ADAMTS2: variants seen among roughly 807,000 people sequenced by gnomAD.
The protein encoded by ADAMTS2 is A disintegrin and metalloproteinase with thrombospondin motifs 2.
ADAMTS2 carries 50 observed loss-of-function variants against 123.0 expected under a neutral mutation model. That is an observed-to-expected ratio of 0.41 (90% CI 0.32 to 0.51). ADAMTS2 has a LOEUF of 0.51. ADAMTS2 is among the 20% of genes least tolerant of loss of function. The probability of loss-of-function intolerance (pLI) is 0.35; values close to 1 mark genes in which losing one functional copy is unlikely to be tolerated. For synonymous variants in ADAMTS2, 678 were observed against 695.4 expected (o/e 0.98, Z 0.39); for missense variants, 1,494 against 1,705.2 (o/e 0.88, Z 2.18).
At chr5:179,321,511 A>G (rs1045565096) in intron 2 of ADAMTS2, among the ~76,000 whole-genome samples, 2 of 151,844 alleles carry the variant, frequency 1.3e-5, no homozygotes, top group Non-Finnish European at 2.9e-5. Context: ...AACCTCTCTC[A>G]TCCTTTAGCA....
At chr5:179,244,413 C>T (rs188217904) in intron 3 of ADAMTS2, among the ~76,000 whole-genome samples, 248 of 152,294 alleles carry the variant, frequency 1.6e-3, no homozygotes, top group African/African-American at 5.6e-3. Context: ...TCCAGCAGAA[C>T]TATTTTTCAA....
Position 179,129,143 on chromosome 5 carries a change from A to G in ADAMTS2, c.2457+789T>C, listed in dbSNP as rs1246042016. Among the ~76,000 whole-genome samples the G allele has an allele frequency of 2.0e-5, 3 of 152,212 alleles. No homozygotes were observed. Among genetic ancestry groups the G allele is most frequent in the African/African-American group, 7.2e-5 (3 of 41,456 alleles). On this transcript the variant is annotated intron_variant, in intron 16 of 21. Transcript: ENST00000251582. The surrounding 1 kb of genome is among the most constrained non-coding windows in gnomAD (Gnocchi z 4.1). ...ACAGAAACCGTGAGTGCCGAGGACC[A>G]GCTGCTCACACACTGATGCAGGCAG...
At position 179,295,169 on chromosome 5, in the gene ADAMTS2, T is replaced by C. The variant is rs191590371; in HGVS notation, c.535-22105A>G. Among the ~76,000 whole-genome samples, 5 of 152,360 alleles carry C rather than the reference T, an allele frequency of 3.3e-5. No homozygotes were observed. In the East Asian group the frequency reaches 9.7e-4, roughly 29 times the overall value. Reference sequence around the variant, plus strand: ...TTCTGGATTAGAAAGGAAACCTGGCTTTGAAAAGACACAGAGAAGAACCAG... The same window carrying C: ...TTCTGGATTAGAAAGGAAACCTGGCCTTGAAAAGACACAGAGAAGAACCAG... On this transcript the variant is annotated intron_variant, in intron 2 of 21. Coordinates refer to ENST00000251582, the MANE Select transcript of ADAMTS2 (RefSeq NM_014244.5).
At position 179,197,188 on chromosome 5, in the gene ADAMTS2, G is replaced by A. The variant is rs896969786; in HGVS notation, c.891+10325C>T. Among the ~76,000 whole-genome samples, 33 of 152,222 alleles carry A rather than the reference G, an allele frequency of 2.2e-4. No individual in the cohort carries two copies. Among genetic ancestry groups the A allele is most frequent in the African/African-American group, 7.2e-4 (30 of 41,454 alleles). On this transcript the variant is annotated intron_variant, in intron 4 of 21. Coordinates refer to ENST00000251582, the MANE Select transcript of ADAMTS2 (RefSeq NM_014244.5). The surrounding 1 kb of genome is among the most constrained non-coding windows in gnomAD (Gnocchi z 4.2). ...GAGCGCTGGCCTTGCTGCAGGCTGG[G>A]TATCACCCACTGCAATGGTCTGCCT...
intron 17 of ADAMTS2, among the ~76,000 whole-genome samples, chr5:179,127,738 C>A (rs1183273437): frequency 6.6e-6 from 1 of 152,096 alleles, no homozygotes; most frequent in African/African-American, 2.4e-5. Context: ...AGGGTCCATG[C>A]CCCACACACC....
chr5:179,195,957 C>A (rs17668593), intron 4 of ADAMTS2, among the ~76,000 whole-genome samples: 3 of 152,084 alleles, frequency 2.0e-5, no homozygotes, highest in Non-Finnish European at 2.9e-5. Context: ...GCCAGCGACT[C>A]GTGAACTATG....
chr5:179,174,577 T>C (rs1287941259), intron 5 of ADAMTS2, among the ~76,000 whole-genome samples: 1 of 152,258 alleles, frequency 6.6e-6, no homozygotes, highest in Non-Finnish European at 1.5e-5. Flanking sequence ...ATGTTATATA[T>C]TTATTTATAA....
chr5:179,138,936 C>G (rs1763113343), intron 11 of ADAMTS2, among the ~76,000 whole-genome samples: 1 of 152,202 alleles, frequency 6.6e-6, no homozygotes, highest in African/African-American at 2.4e-5. Flanking sequence ...TAACTGGGCC[C>G]GGCTGTGCAT....
chr5:179,321,337 T>C (rs1581273706), intron 2 of ADAMTS2, among the ~76,000 whole-genome samples: 1 of 152,140 alleles, frequency 6.6e-6, no homozygotes, highest in South Asian at 2.1e-4. Context: ...CACCGCAGCA[T>C]GTGTGCCATG....
intron 17 of ADAMTS2, among the ~76,000 whole-genome samples, chr5:179,126,676 C>A (rs1040042201): frequency 6.6e-6 from 1 of 152,258 alleles, no homozygotes. Context: ...CACAGGACAG[C>A]CCCCATGGCG....
intron 5 of ADAMTS2, among the ~76,000 whole-genome samples, chr5:179,169,545 G>A (rs370623504): frequency 8.2e-4 from 125 of 152,282 alleles, no homozygotes; most frequent in African/African-American, 2.7e-3. Context: ...ACCCCTATCA[G>A]GTTGGGGGTT....
chr5:179,189,152 G>C lies in ADAMTS2; in HGVS notation c.892-7997C>G, dbSNP rs1385118231. Among the ~76,000 whole-genome samples, 1 of 152,152 alleles carries C rather than the reference G, an allele frequency of 6.6e-6. No homozygotes were observed. ...ATAATAATAGTCCCTGTGTCTCAGG[G>C]TTGTTTCAGGTTGAAGCAACAATGA... On this transcript the variant is annotated intron_variant, in intron 4 of 21. Transcript: ENST00000251582. This position sits in a 1 kb window ranked among gnomAD's most constrained non-coding sequence, Gnocchi z 4.2.
At chr5:179,230,294 G>T (rs564711650) in intron 3 of ADAMTS2, among the ~76,000 whole-genome samples, 1 of 152,166 alleles carries the variant, frequency 6.6e-6, no homozygotes, top group Non-Finnish European at 1.5e-5. Context: ...CAGAAAGTGC[G>T]GTCTGGACAT....
chr5:179,139,926 C>T lies in ADAMTS2; in HGVS notation c.1739G>A (p.Gly580Asp). ...ACACTGGCGGGTCCTGAACTTCACG[C>T]CCGTGCCACAGGTACGTGAGCAGGA... The part of the protein sequence containing the change: ...FGSCSRTCGT[G>D]VKFRTRQCDN... The change falls in exon 11 of 22, where the codon GGC becomes GAC. Residue 580 changes from glycine to aspartate, a missense_variant. Gly to Asp is a moderately conservative substitution (Grantham distance 94, BLOSUM62 -1). This residue lies in a region of ADAMTS2 where 953 missense variants were observed against 1,124.7 expected (regional missense o/e 0.85). Transcript: ENST00000251582. 2 of 1,612,558 alleles carry T rather than the reference C, an allele frequency of 1.2e-6. No individual in the cohort carries two copies. Among genetic ancestry groups the T allele is most frequent in the African/African-American group, 1.3e-5 (1 of 75,024 alleles).
At chr5:179,191,187 C>T (rs7733929) in intron 4 of ADAMTS2, among the ~76,000 whole-genome samples, 41,433 of 152,206 alleles carry the variant, frequency 0.27, 5,980 homozygotes, top group African/African-American at 0.35. Flanking sequence ...GAGCCACTGA[C>T]AGGGAAAGGC....
rs890859490 is a variant in ADAMTS2, at chr5:179,135,893, G to A, written c.2085+16C>T. 1.2e-6 allele frequency: 2 copies of A among 1,612,832 alleles called. No homozygotes were observed. The highest frequency in any genetic ancestry group is 1.7e-4 in the Middle Eastern group (1 of 5,978). On this transcript the variant is annotated intron_variant, in intron 13 of 21. Transcript: ENST00000251582. ...CTTGACACGGTAGCCCCCCGTGCCG[G>A]CCTCTGTGTACTCACCCTGCAGTCC...
chr5:179,279,739 C>G (rs1248489378), intron 2 of ADAMTS2, among the ~76,000 whole-genome samples: 1 of 152,208 alleles, frequency 6.6e-6, no homozygotes, highest in African/African-American at 2.4e-5. Context: ...ACTCCGTCCT[C>G]ACCACTGGAC....
In ADAMTS2 at chr5:179,117,727, G is replaced by A. The variant is rs1762687288; in HGVS notation, c.3179-3403C>T. Among the ~76,000 whole-genome samples, 1 of 152,128 alleles carries A rather than the reference G, an allele frequency of 6.6e-6. No individual in the cohort carries two copies. ...TAATTTTTGTATTTTTAGTAGAGAC[G>A]GGGTTTCGCTATGTTGGTCAGGCTG... On this transcript the variant is annotated intron_variant, in intron 21 of 21. Transcript: ENST00000251582. The surrounding 1 kb of genome is among the most constrained non-coding windows in gnomAD (Gnocchi z 4.2).
In ADAMTS2 at chr5:179,134,719, CCTCCCGGCTCCAGCTCCAGCTCCAG is replaced by C. The variant is rs1230985493; in HGVS notation, c.2085+1165_2085+1189del. Among the ~76,000 whole-genome samples the C allele has an allele frequency of 4.7e-5, 7 of 148,858 alleles. 1 individual carries two copies. Among genetic ancestry groups the C allele is most frequent in the Non-Finnish European group, 9.0e-5 (6 of 66,502 alleles). ...CAAATGCAGAGCAGCCCTCGAGCAC[CCTCCCGGCTCCAGCTCCAGCTCCAG>C]CTCCCGGCTCCAGCTCCAGCTCCCG... On this transcript the variant is annotated intron_variant, in intron 13 of 21. Coordinates refer to ENST00000251582, the MANE Select transcript of ADAMTS2 (RefSeq NM_014244.5).
Sources: allele counts gnomAD v4.1 joint callset (sites outside exome capture counted in the v4.1 genomes callset), GRCh38; gene constraint gnomAD v4.1.1; regional missense constraint gnomAD v4.1.1; non-coding constraint Gnocchi (gnomAD v3.1); transcripts MANE v1.5; gene names NCBI Gene and HGNC (gene_info 2026-07-23, HGNC 2026-07-21).